The following CALCOCO1 variants were observed in gnomAD, a reference collection of about 807,000 sequenced individuals.
CALCOCO1 encodes calcium-binding and coiled-coil domain-containing protein 1.
Under a neutral mutation model 86.3 loss-of-function variants are expected in CALCOCO1, and 44 were observed. That is an observed-to-expected ratio of 0.51 (90% CI 0.40 to 0.66). The LOEUF is 0.66. Among genes scored for constraint, CALCOCO1 ranks in the 30% least tolerant of loss-of-function variants. The probability of loss-of-function intolerance (pLI) is 0.00; values close to 1 mark genes in which losing one functional copy is unlikely to be tolerated. For synonymous variants in CALCOCO1, 297 were observed against 327.6 expected, an observed-to-expected ratio of 0.91 and a Z score of 1.01; for missense variants, 708 against 851.1, an observed-to-expected ratio of 0.83 and a Z score of 2.09.
chr12:53,715,973 G>A lies in CALCOCO1; in HGVS notation c.1080C>T (p.Thr360=), dbSNP rs950965979. 1 of 1,614,124 alleles carries A rather than the reference G, an allele frequency of 6.2e-7. No individual in the cohort carries two copies. Among genetic ancestry groups the A allele is most frequent in the South Asian group, 1.1e-5 (1 of 91,082 alleles). The change falls in exon 9 of 15, where the codon ACC becomes ACT. Residue 360 remains threonine (T), a synonymous_variant. Transcript: ENST00000550804. ...ELAASSQQKA[T]LLGEELASAA... ...CACTGGCCAACTCCTCCCCAAGAAG[G>A]GTGGCTTTCTGCTGGCTTGAGGCTG...
intron 9 of CALCOCO1, 58 bp downstream of exon 9, chr12:53,715,735 T>C: frequency 1.9e-6 from 3 of 1,583,414 alleles, no homozygotes; most frequent in Non-Finnish European, 2.6e-6. Flanking sequence ...CATGTAGGAG[T>C]CCCCACAGAG....
At chr12:53,720,438 G>C (rs1945837357) in intron 6 of CALCOCO1, among the ~76,000 whole-genome samples, 1 of 152,144 alleles carries the variant, frequency 6.6e-6, no homozygotes, top group Non-Finnish European at 1.5e-5. Context: ...CTTACCTGTG[G>C]GATATACAAC....
Position 53,716,392 on chromosome 12 carries a change from C to T in CALCOCO1, c.873G>A (p.Gln291=). 6.2e-7 allele frequency: 1 copy of T among 1,614,184 alleles called. No individual in the cohort carries two copies. The highest frequency in any genetic ancestry group is 2.2e-5 in the East Asian group (1 of 44,880). ...GGTCCAAATTTAAGTGATGGTTCTCCTGTTGTGCCACTTGGAGCTCAGCCT... is the reference window on the plus strand; with the variant it reads ...GGTCCAAATTTAAGTGATGGTTCTCTTGTTGTGCCACTTGGAGCTCAGCCT... ...QSEAELQVAQ[Q]ENHHLNLDLK... Residue 291 remains glutamine (Q), a synonymous_variant, in exon 8 of 15, where the codon CAG becomes CAA. Transcript: ENST00000550804.
chr12:53,723,913 C>A (rs545751078), intron 3 of CALCOCO1, 130 bp from the exon 4 acceptor site: 11 of 730,050 alleles, frequency 1.5e-5, no homozygotes, highest in Admixed American at 1.2e-4. Context: ...TCCCTCCTTT[C>A]TGCCTGTCCC....
intron 14 of CALCOCO1, 27 bp downstream of exon 14, chr12:53,713,073 C>A (rs1366719021): frequency 6.3e-7 from 1 of 1,591,450 alleles, no homozygotes; most frequent in Non-Finnish European, 8.6e-7. Context: ...CTCCCACCTC[C>A]CTCCTGGCCT....
At chr12:53,722,701 C>T (rs1167361652) in intron 4 of CALCOCO1, among the ~76,000 whole-genome samples, 2 of 152,090 alleles carry the variant, frequency 1.3e-5, no homozygotes, top group Non-Finnish European at 1.5e-5. Flanking sequence ...CTCAGTGTCT[C>T]CCCCAGTAGC....
intron 4 of CALCOCO1, among the ~76,000 whole-genome samples, chr12:53,723,096 G>A (rs1296266351): frequency 6.6e-6 from 1 of 152,042 alleles, no homozygotes; most frequent in Admixed American, 6.6e-5. Context: ...TCAAAATCTG[G>A]AGTATATTTT....
intron 14 of CALCOCO1, chr12:53,712,750 T>TAGGTA: frequency 8.0e-7 from 1 of 1,256,092 alleles, no homozygotes; most frequent in Non-Finnish European, 1.0e-6. Flanking sequence ...CCTCCCTTCC[T>TAGGTA]CCCCGGAGGA....
At position 53,713,197 on chromosome 12, in the gene CALCOCO1, C is replaced by G. The variant is rs1355606142; in HGVS notation, c.1801G>C (p.Asp601His). 6.2e-7 allele frequency: 1 copy of G among 1,614,018 alleles called. No individual in the cohort carries two copies. The change falls in exon 14 of 15, where the codon GAT (aspartate) becomes CAT (histidine). Residue 601 changes from aspartate (D) to histidine (H), a missense_variant. Asp to His is a moderately conservative substitution (Grantham distance 81). Coordinates refer to ENST00000550804, the MANE Select transcript of CALCOCO1 (RefSeq NM_020898.3). ...EDSSSDSEAE[D>H]EKSVLMAAVQ... ...GCTGCCATCAGGACTGACTTCTCAT[C>G]TTCAGCCTCCTGGATGCCAAAGAGA... is the stretch of plus-strand genomic sequence containing the variant.
At position 53,720,037 on chromosome 12, in the gene CALCOCO1, GT is replaced by G. The variant is rs541605369; in HGVS notation, c.759-209del. Among the ~76,000 whole-genome samples, 341 of 152,290 alleles carry G rather than the reference GT, an allele frequency of 2.2e-3. 3 individuals are homozygous for G. Among genetic ancestry groups the G allele is most frequent in the African/African-American group, 7.6e-3 (314 of 41,564 alleles). ...CTAGAGAACAATTTAGACAGAAATA[GT>G]TTTTCTTATCTTTTTGTGTAATATT... is the stretch of plus-strand genomic sequence containing the variant. On this transcript the variant is annotated intron_variant, in intron 6 of 14. Transcript: ENST00000550804.
chr12:53,713,606 C>A, intron 13 of CALCOCO1, 95 bp downstream of exon 13: 4 of 1,147,424 alleles, frequency 3.5e-6, no homozygotes, highest in Non-Finnish European at 3.7e-6. Context: ...GCAGAGGCTG[C>A]AGTGAGCCAA....
At chr12:53,712,772 T>C (rs999428410) in intron 14 of CALCOCO1, 1 of 1,333,804 alleles carries the variant, frequency 7.5e-7, no homozygotes, top group Non-Finnish European at 9.8e-7. Context: ...CCTAGGTACC[T>C]ACCTGGTGGT....
intron 4 of CALCOCO1, chr12:53,722,943 C>CAAAAAAAAAAAAAAA (rs58897806): frequency 8.3e-4 from 162 of 194,268 alleles, no homozygotes; most frequent in East Asian, 2.8e-3. Context: ...AAGGCTGTCT[C>CAAAAAAAAAAAAAAA]AAAAAAAAAA....
At chr12:53,718,093 CAT>C (rs10579451) in intron 7 of CALCOCO1, among the ~76,000 whole-genome samples, 6,289 of 152,278 alleles carry the variant, frequency 0.041, 342 homozygotes, top group East Asian at 0.25. Flanking sequence ...CACCAATTGA[CAT>C]ATGTTTCCAG....
rs370731028 is a variant in CALCOCO1 at position 53,716,580 on chromosome 12, C to T, written c.850-165G>A. Among the ~76,000 whole-genome samples the T allele has an allele frequency of 3.0e-4, 46 of 152,336 alleles. No individual in the cohort carries two copies. The Middle Eastern group carries it at 0.017, about 56-fold the overall frequency. On this transcript the variant is annotated intron_variant, in intron 7 of 14. Coordinates refer to ENST00000550804, the MANE Select transcript of CALCOCO1 (RefSeq NM_020898.3). ...TCTTGGGTTCTCAGCTCAAATAACTCAATCCTGCATATCCAGTCTCCAGCT... is the reference window on the plus strand; with the variant it reads ...TCTTGGGTTCTCAGCTCAAATAACTTAATCCTGCATATCCAGTCTCCAGCT...
At position 53,710,243 on chromosome 12, in the gene CALCOCO1, G is replaced by A. The variant is rs1462801225; in HGVS notation, c.*1701C>T. On this transcript the variant is annotated 3_prime_UTR_variant, in exon 15 of 15. Transcript: ENST00000550804. ...CTAATTTCCTTGGAAGGGATTCAGG[G>A]AACGGGATGGGGTTGCTAGGAGACG... The A allele has an allele frequency of 6.6e-6, 1 of 152,248 alleles. No homozygotes were observed. Among genetic ancestry groups the A allele is most frequent in the Non-Finnish European group, 1.5e-5 (1 of 68,040 alleles). 9.4% of individuals were successfully genotyped at this position (152,248 alleles called of 1,614,324 possible). A position where few individuals can be genotyped will look rare whatever the true frequency, so the allele number is the denominator to read the frequency against.
intron 7 of CALCOCO1, among the ~76,000 whole-genome samples, chr12:53,716,672 G>A (rs1036917819): frequency 3.9e-5 from 6 of 152,148 alleles, no homozygotes; most frequent in African/African-American, 1.4e-4. Context: ...TACCATTTCT[G>A]CTACTCTATT....
chr12:53,714,993 G>A (rs2277367), intron 10 of CALCOCO1, among the ~76,000 whole-genome samples: 21,468 of 152,114 alleles, frequency 0.14, 1,674 homozygotes, highest in South Asian at 0.22. Flanking sequence ...ATTCTCCTAA[G>A]TCACCTCTAC....
chr12:53,715,067 G>A (rs552580385), intron 10 of CALCOCO1, 133 bp downstream of exon 10: 228 of 1,080,934 alleles, frequency 2.1e-4, no homozygotes, highest in Non-Finnish European at 2.9e-4. Context: ...GAGGGCTTGC[G>A]TGTGCAAGTG....
Sources: allele counts gnomAD v4.1 joint callset (sites outside exome capture counted in the v4.1 genomes callset), GRCh38; gene constraint gnomAD v4.1.1; transcripts MANE v1.5; gene names NCBI Gene and HGNC (gene_info 2026-07-23, HGNC 2026-07-21).